Variants in MXI1 observed in about 807,000 individuals in gnomAD.
MXI1 encodes the protein max-interacting protein 1.
In MXI1, 18 loss-of-function variants were observed where a neutral mutation model predicts 36.9. The ratio of observed to expected loss-of-function variants is 0.49; its 90% confidence interval spans 0.34 to 0.72. MXI1 has a LOEUF of 0.72. MXI1 is among the 30% of genes least tolerant of loss of function. MXI1 has a pLI of 0.01. For missense variants in MXI1, 304 were observed against 379.1 expected, an observed-to-expected ratio of 0.80 and a Z score of 1.64; for synonymous variants, 160 against 146.7, an observed-to-expected ratio of 1.09 and a Z score of -0.65.
chr10:110,228,760 C>T (rs1855153296), intron 2 of MXI1, among the ~76,000 whole-genome samples: 2 of 152,038 alleles, frequency 1.3e-5, no homozygotes, highest in South Asian at 2.1e-4. Context: ...TGGTAGTGAG[C>T]GGATGTGGTT....
At position 110,231,016 on chromosome 10, in the gene MXI1, T is replaced by C. The variant is rs143740562; in HGVS notation, c.407+2695T>C. On this transcript the variant is annotated intron_variant, in intron 2 of 5. Coordinates refer to ENST00000332674, the MANE Select transcript of MXI1 (RefSeq NM_130439.3). ...ACATCGTAGCATCTTTAAGATATAA[T>C]GGTGATTGACTATTTTACCCCTGAT... Among the ~76,000 whole-genome samples the C allele has an allele frequency of 8.1e-4, 124 of 152,336 alleles. 1 individual carries two copies. The East Asian group carries it at 0.011, about 13-fold the overall frequency.
rs137852604 is a variant in MXI1 at position 110,228,276 on chromosome 10, C to T, written c.362C>T (p.Ala121Val). ...AAGCCCCCACGGAGGTTGAGCCGGG[C>T]ACAGAAACACAGCAGCGGGAGCAGC... ...HSKPPRRLSR[A>V]QKHSSGSSNT... Residue 121 changes from alanine (A) to valine (V), a missense_variant, in exon 2 of 6, where the codon GCA becomes GTA. This residue lies in a region of MXI1 where 179 missense variants were observed against 184.8 expected (regional missense o/e 0.97). Transcript: ENST00000332674. The T allele has an allele frequency of 6.2e-6, 10 of 1,614,028 alleles. No homozygotes were observed. The East Asian group carries it at 2.0e-4, about 32-fold the overall frequency.
At chr10:110,221,837 C>T (rs944826482) in intron 1 of MXI1, among the ~76,000 whole-genome samples, 5 of 152,160 alleles carry the variant, frequency 3.3e-5, no homozygotes, top group African/African-American at 1.2e-4. Flanking sequence ...CTTTCCCTTT[C>T]TCCCCAGCTC....
chr10:110,263,139 G>A (rs1306715104), intron 3 of MXI1, among the ~76,000 whole-genome samples: 2 of 152,078 alleles, frequency 1.3e-5, no homozygotes, highest in South Asian at 2.1e-4. Flanking sequence ...TGCACCTTTC[G>A]TTAGATTCAG....
rs1590371860 is a variant in MXI1, at chr10:110,250,308, A to G, written c.437+5451A>G. 2.6e-5 allele frequency among the ~76,000 whole-genome samples: 4 copies of G among 152,262 alleles called. No individual in the cohort carries two copies. In the South Asian group the frequency reaches 6.2e-4, roughly 24 times the overall value. ...TAGGCCTAGGAGATGGAGGGGAAGC[A>G]AAATACTTCAGTTGTTCTGCATTCC... is the stretch of plus-strand genomic sequence containing the variant. On this transcript the variant is annotated intron_variant, in intron 3 of 5. Coordinates refer to ENST00000332674, the MANE Select transcript of MXI1 (RefSeq NM_130439.3).
intron 3 of MXI1, among the ~76,000 whole-genome samples, chr10:110,252,037 T>A (rs1039203791): frequency 6.6e-6 from 1 of 152,088 alleles, no homozygotes; most frequent in Non-Finnish European, 1.5e-5. Flanking sequence ...AAGTACAATC[T>A]AGTAGCTGTA....
At chr10:110,249,014 T>A (rs2134402340) in intron 3 of MXI1, among the ~76,000 whole-genome samples, 1 of 152,250 alleles carries the variant, frequency 6.6e-6, no homozygotes, top group South Asian at 2.1e-4. Context: ...AATTTAACCC[T>A]GTATTATTTT....
chr10:110,225,884 C>T (rs1317429400), intron 1 of MXI1: 2 of 510,820 alleles, frequency 3.9e-6, no homozygotes, highest in South Asian at 8.7e-5. Flanking sequence ...CTACGATTCC[C>T]GGCAGCCGCG....
intron 3 of MXI1, among the ~76,000 whole-genome samples, chr10:110,272,681 A>G (rs1283984055): frequency 6.6e-6 from 1 of 151,504 alleles, no homozygotes; most frequent in Non-Finnish European, 1.5e-5. Context: ...ATGTGACAGA[A>G]TAATTTATAT....
chr10:110,254,557 G>C (rs1856215649), intron 3 of MXI1, among the ~76,000 whole-genome samples: 1 of 152,136 alleles, frequency 6.6e-6, no homozygotes, highest in Admixed American at 6.5e-5. Context: ...TCAAAAACCA[G>C]GATAGACTGA....
chr10:110,240,217 C>T (rs1458814019), intron 2 of MXI1, among the ~76,000 whole-genome samples: 2 of 152,050 alleles, frequency 1.3e-5, no homozygotes, highest in Non-Finnish European at 2.9e-5. Flanking sequence ...TAGTTCTATA[C>T]AAGCATTCTT....
At chr10:110,275,371 T>C (rs1355646521) in intron 3 of MXI1, among the ~76,000 whole-genome samples, 1 of 152,088 alleles carries the variant, frequency 6.6e-6, no homozygotes, top group East Asian at 1.9e-4. Flanking sequence ...AGGTCACTGG[T>C]GGTTAAGCTT....
At chr10:110,233,747 G>GA (rs1225058839) in intron 2 of MXI1, among the ~76,000 whole-genome samples, 1 of 152,054 alleles carries the variant, frequency 6.6e-6, no homozygotes, top group Non-Finnish European at 1.5e-5. Flanking sequence ...AAATTCCCAA[G>GA]AATTACTTAT....
chr10:110,282,178 T>G (rs923368525), intron 5 of MXI1, among the ~76,000 whole-genome samples: 8 of 152,216 alleles, frequency 5.3e-5, no homozygotes, highest in Non-Finnish European at 7.3e-5. Flanking sequence ...GTTTTACTAT[T>G]TTTTGATTAT....
chr10:110,215,315 C>T (rs1854610935), intron 1 of MXI1, among the ~76,000 whole-genome samples: 2 of 152,312 alleles, frequency 1.3e-5, no homozygotes, highest in South Asian at 4.1e-4. Context: ...GCTAGGATTA[C>T]AGGCGTGAGC....
At chr10:110,281,403 T>C (rs1857245001) in intron 5 of MXI1, among the ~76,000 whole-genome samples, 1 of 152,200 alleles carries the variant, frequency 6.6e-6, no homozygotes, top group African/African-American at 2.4e-5. Context: ...GTGATACATT[T>C]TCTCCAGTTG....
intron 1 of MXI1, chr10:110,226,217 C>A: frequency 6.7e-7 from 1 of 1,483,670 alleles, no homozygotes; most frequent in Non-Finnish European, 8.9e-7. Flanking sequence ...GCCCATGGAG[C>A]GGGTGAAGAT....
In MXI1 at chr10:110,280,675, G is replaced by A. The variant is rs570191376; in HGVS notation, c.724+590G>A. On this transcript the variant is annotated intron_variant, in intron 5 of 5. Transcript: ENST00000332674. ...AGCCTGGGCAACAGAGTGAGGTTCC[G>A]TCTCAAAAAAAAAAAAAAGAAAAGA... Among the ~76,000 whole-genome samples, 64 of 143,550 alleles carry A rather than the reference G, an allele frequency of 4.5e-4. 1 individual carries two copies. In the East Asian group the frequency reaches 0.012, roughly 26 times the overall value. The allele number at this position is 143,550 out of a possible 152,430, so 94.2% of individuals were successfully genotyped here. A position where few individuals can be genotyped will look rare whatever the true frequency, so the allele number is the denominator to read the frequency against.
At chr10:110,259,906 T>G (rs1856449862) in intron 3 of MXI1, among the ~76,000 whole-genome samples, 1 of 152,096 alleles carries the variant, frequency 6.6e-6, no homozygotes, top group African/African-American at 2.4e-5. Flanking sequence ...AAGACGAATT[T>G]GTTTGGAAAA....
Sources: gnomAD v4.1 joint callset for allele counts (sites outside exome capture counted in the v4.1 genomes callset) on GRCh38, gnomAD v4.1.1 for gene constraint, gnomAD v4.1.1 regional missense constraint, MANE v1.5 for transcripts, NCBI Gene and HGNC (gene_info 2026-07-23, HGNC 2026-07-21) for gene names.